The following SI variants were observed in gnomAD, a reference collection of about 807,000 sequenced individuals.
SI encodes the protein sucrase-isomaltase, intestinal.
Under a neutral mutation model 253.3 loss-of-function variants are expected in SI, and 235 were observed. The observed-to-expected ratio is 0.93, with a 90% confidence interval of 0.83 to 1.03. The LOEUF (loss-of-function observed/expected upper bound fraction) is 1.03. Among genes scored for constraint, SI ranks in the 50% least tolerant of loss-of-function variants. SI has a pLI of 0.00. For missense variants in SI, 2,442 were observed against 2,211.1 expected (o/e 1.10, Z -2.09); for synonymous variants, 819 against 712.0 (o/e 1.15, Z -2.39).
the SI span, among the ~76,000 whole-genome samples, chr3:165,086,549 T>C: frequency 1.3e-5 from 2 of 152,308 alleles, no homozygotes; most frequent in African/African-American, 4.8e-5. Flanking sequence ...TGCTTCAAAA[T>C]GTCTAGATTC....
chr3:165,088,742 T>A, the SI span, among the ~76,000 whole-genome samples: 1 of 151,750 alleles, frequency 6.6e-6, no homozygotes, highest in Admixed American at 6.6e-5. Flanking sequence ...CCGAACTGAA[T>A]ATAAACATTT....
At chr3:165,041,694 A>G (rs1400121424) in intron 17 of SI, among the ~76,000 whole-genome samples, 2 of 152,092 alleles carry the variant, frequency 1.3e-5, no homozygotes, top group African/African-American at 4.8e-5. Context: ...TACTGAGCTC[A>G]GGGTAGATAA....
intron 3 of SI, among the ~76,000 whole-genome samples, chr3:165,074,216 T>C (rs1320730231): frequency 2.6e-5 from 4 of 152,072 alleles, no homozygotes; most frequent in African/African-American, 9.7e-5. Context: ...AAATGTTCTA[T>C]ATTATCAAAG....
chr3:165,073,390 T>C (rs1714726096), intron 3 of SI, among the ~76,000 whole-genome samples: 2 of 152,102 alleles, frequency 1.3e-5, no homozygotes, highest in South Asian at 4.1e-4. Flanking sequence ...AATACTATGT[T>C]ATTTAGCTCT....
chr3:164,995,568 T>C (rs773573392), intron 40 of SI, among the ~76,000 whole-genome samples: 1 of 151,766 alleles, frequency 6.6e-6, no homozygotes, highest in Non-Finnish European at 1.5e-5. Context: ...TCCCTCCTTC[T>C]GCATTTGAAT....
upstream of SI, among the ~76,000 whole-genome samples, chr3:165,081,979 T>C (rs540257537): frequency 4.6e-5 from 7 of 152,098 alleles, no homozygotes; most frequent in African/African-American, 1.7e-4. Flanking sequence ...AGTGCTAGTA[T>C]TCCAGTCTTA....
intron 12 of SI, among the ~76,000 whole-genome samples, chr3:165,056,017 C>T (rs1193689819): frequency 1.3e-5 from 2 of 152,082 alleles, no homozygotes; most frequent in Non-Finnish European, 2.9e-5. Context: ...ATTATGCTGT[C>T]TTTTTCTGAT....
intron 25 of SI, among the ~76,000 whole-genome samples, chr3:165,025,295 G>C (rs1424980590): frequency 6.6e-6 from 1 of 151,006 alleles, no homozygotes; most frequent in African/African-American, 2.4e-5. Flanking sequence ...ATCCAATAAA[G>C]ACAAAGAAAA....
intron 16 of SI, among the ~76,000 whole-genome samples, chr3:165,046,237 T>C (rs1713105662): frequency 6.6e-6 from 1 of 152,148 alleles, no homozygotes; most frequent in Non-Finnish European, 1.5e-5. Flanking sequence ...CAAATCACTA[T>C]AGTTTTATAA....
chr3:165,000,719 C>T (rs144698866), intron 37 of SI, among the ~76,000 whole-genome samples: 3 of 151,452 alleles, frequency 2.0e-5, no homozygotes, highest in African/African-American at 2.4e-5. Flanking sequence ...AGTTCAAACA[C>T]GGTAAATATA....
At chr3:164,995,121 C>T (rs1576873471) in intron 40 of SI, among the ~76,000 whole-genome samples, 1 of 151,702 alleles carries the variant, frequency 6.6e-6, no homozygotes, top group African/African-American at 2.4e-5. Flanking sequence ...CTCGAGGTAA[C>T]ATTTAAATGT....
At chr3:165,009,755 A>G (rs1057514961) in intron 34 of SI, among the ~76,000 whole-genome samples, 2 of 152,148 alleles carry the variant, frequency 1.3e-5, no homozygotes, top group Non-Finnish European at 2.9e-5. Context: ...TGAAACAGCA[A>G]AGGGCCATAG....
chr3:165,040,121 T>C, intron 18 of SI, 150 bp from the exon 19 acceptor site: 1 of 697,278 alleles, frequency 1.4e-6, no homozygotes, highest in Non-Finnish European at 2.6e-6. Context: ...TCATGGTTCT[T>C]ACATCCTTTA....
chr3:165,027,360 G>C (rs1711984050), intron 25 of SI, among the ~76,000 whole-genome samples: 1 of 151,250 alleles, frequency 6.6e-6, no homozygotes, highest in South Asian at 2.1e-4. Flanking sequence ...ATTCATAGCA[G>C]AATTTTACCA....
chr3:165,016,217 G>T, intron 31 of SI, 137 bp from the exon 32 acceptor site: 2 of 758,874 alleles, frequency 2.6e-6, no homozygotes, highest in Non-Finnish European at 4.6e-6. Flanking sequence ...AGAATTAAAT[G>T]GTTTAGTGTT....
At chr3:165,023,850 C>G (rs773187374) in intron 25 of SI, 74 bp from the exon 26 acceptor site, 126 of 976,702 alleles carry the variant, frequency 1.3e-4, no homozygotes, top group Non-Finnish European at 2.1e-5. Flanking sequence ...ATTATACTGA[C>G]GTTTAGTCAC....
chr3:164,997,200 A>C (rs933452597), intron 38 of SI, among the ~76,000 whole-genome samples: 1 of 151,768 alleles, frequency 6.6e-6, no homozygotes, highest in Non-Finnish European at 1.5e-5. Context: ...TTATTAAACA[A>C]ATCCTTTAAG....
At chr3:165,025,885 T>C (rs1381241518) in intron 25 of SI, among the ~76,000 whole-genome samples, 1 of 151,202 alleles carries the variant, frequency 6.6e-6, no homozygotes, top group Non-Finnish European at 1.5e-5. Context: ...AAACAGAACC[T>C]CTTTAAAGCA....
intron 24 of SI, among the ~76,000 whole-genome samples, chr3:165,031,767 C>A (rs975557677): frequency 2.7e-5 from 4 of 150,572 alleles, no homozygotes; most frequent in Non-Finnish European, 6.0e-5. Context: ...AAAATAATTG[C>A]TTTCGTGTTT....
Sources: gnomAD v4.1 joint callset for allele counts (sites outside exome capture counted in the v4.1 genomes callset) on GRCh38, gnomAD v4.1.1 for gene constraint, MANE v1.5 for transcripts, NCBI Gene and HGNC (gene_info 2026-07-23, HGNC 2026-07-21) for gene names.